COA1: variants seen among roughly 807,000 people sequenced by gnomAD.
COA1 encodes cytochrome c oxidase assembly factor 1.
A neutral mutation model predicts 16.0 loss-of-function variants in COA1; 13 were observed. The observed-to-expected ratio is 0.81, with a 90% CI of 0.53 to 1.29. COA1 has a LOEUF of 1.29. Ranked by LOEUF, COA1 falls within the 50% of genes most tolerant of loss-of-function variation. The pLI, the probability that COA1 is intolerant of heterozygous loss-of-function variation, is 0.00. For missense variants in COA1, 179 were observed against 177.0 expected (o/e 1.01, Z -0.06); for synonymous variants, 65 against 65.7 (o/e 0.99, Z 0.05).
At chr7:43,655,651 A>G (rs148026799) in intron 1 of COA1, among the ~76,000 whole-genome samples, 194 of 152,228 alleles carry the variant, frequency 1.3e-3, no homozygotes, top group African/African-American at 4.5e-3. Flanking sequence ...GACATTTTCC[A>G]TCTCAAAAAA....
In COA1 at chr7:43,724,755, C is replaced by T. The variant is rs1182580203; in HGVS notation, c.-39+4674G>A. ...ATGAAAATTCCAACACATGCCACAA[C>T]ATGAATTAACCTTGAAGACATGCTA... On this transcript the variant is annotated intron_variant, in intron 1 of 5. Coordinates refer to ENST00000223336, the MANE Select transcript of COA1 (RefSeq NM_018224.4). Among the ~76,000 whole-genome samples the T allele has an allele frequency of 3.3e-5, 5 of 152,180 alleles. No individual in the cohort carries two copies. The South Asian group carries it at 6.2e-4, about 19-fold the overall frequency.
At position 43,611,648 on chromosome 7, in the gene COA1, G is replaced by A. The variant is rs368451331; in HGVS notation, c.*134-2153C>T. Among the ~76,000 whole-genome samples, 4 of 152,130 alleles carry A rather than the reference G, an allele frequency of 2.6e-5. No individual in the cohort carries two copies. The East Asian group carries it at 5.8e-4, about 22-fold the overall frequency. ...CATTTACAAGGAAGATATGGCCTCC[G>A]CAGTACGGACTTTCACTGGGCTAAT... On this transcript the variant is annotated intron_variant and NMD_transcript_variant, in intron 6 of 6. Coordinates refer to the COA1 transcript ENST00000415076.
chr7:43,642,343 A>G (rs1046392749), intron 4 of COA1, among the ~76,000 whole-genome samples: 2 of 152,130 alleles, frequency 1.3e-5, no homozygotes, highest in Admixed American at 6.6e-5. Flanking sequence ...CCAGCTACTC[A>G]GGAGAGTGAG....
intron 6 of COA1, among the ~76,000 whole-genome samples, chr7:43,612,838 T>C (rs985722753): frequency 1.5e-4 from 23 of 152,108 alleles, no homozygotes; most frequent in Non-Finnish European, 2.8e-4. Flanking sequence ...CAGATGCAGA[T>C]TTAGGAGTCT....
chr7:43,718,193 A>C (rs551775303), intron 1 of COA1, among the ~76,000 whole-genome samples: 1 of 152,362 alleles, frequency 6.6e-6, no homozygotes, highest in South Asian at 2.1e-4. Flanking sequence ...TATGCATACA[A>C]ATGTATTATT....
intron 6 of COA1, among the ~76,000 whole-genome samples, chr7:43,611,588 G>C (rs764957256): frequency 6.6e-6 from 1 of 152,130 alleles, no homozygotes; most frequent in Non-Finnish European, 1.5e-5. Flanking sequence ...AAAGATCCTT[G>C]CTGCAAGAAA....
intron 1 of COA1, among the ~76,000 whole-genome samples, chr7:43,667,278 C>G (rs2092947932): frequency 6.6e-6 from 1 of 152,120 alleles, no homozygotes; most frequent in Admixed American, 6.5e-5. Flanking sequence ...TTCCTGATGC[C>G]TGGCTTTTTG....
rs774222032 is a variant in COA1 at position 43,645,232 on chromosome 7, C to T, written c.264+19G>A. 7.4e-6 allele frequency: 12 copies of T among 1,612,454 alleles called. No individual in the cohort carries two copies. Among genetic ancestry groups the T allele is most frequent in the Middle Eastern group, 1.7e-4 (1 of 5,930 alleles). ...CTTCAGCAGGCACCAGCCTGCGGTT[C>T]GCAGGGAAAGCACATTACCTTGGCA... On this transcript the variant is annotated intron_variant, in intron 4 of 5. Transcript: ENST00000223336.
chr7:43,643,064 A>G (rs1164843346), intron 4 of COA1, among the ~76,000 whole-genome samples: 2 of 152,200 alleles, frequency 1.3e-5, no homozygotes, highest in African/African-American at 4.8e-5. Context: ...GAGTCACAGC[A>G]TTTGGCCGCA....
chr7:43,609,056 G>A (rs989683821), exon 7 of COA1: 2 of 152,284 alleles, frequency 1.3e-5, no homozygotes, highest in African/African-American at 4.8e-5. Context: ...GCTGAAACCA[G>A]GGTAAGCAAA....
intron 4 of COA1, among the ~76,000 whole-genome samples, chr7:43,644,714 A>AT (rs1554500984): frequency 1.7e-4 from 5 of 29,644 alleles, no homozygotes; most frequent in African/African-American, 3.8e-4. Flanking sequence ...GATAGATTAG[A>AT]TAGATAGATA....
chr7:43,648,584 T>A lies in COA1; in HGVS notation c.15+16A>T. ...CAGGTTCTAGTGGGGAACTTGGCCCTGGAACATTCCATTACCTTTTGCCAC... is the reference window on the plus strand; with the variant it reads ...CAGGTTCTAGTGGGGAACTTGGCCCAGGAACATTCCATTACCTTTTGCCAC... On this transcript the variant is annotated intron_variant, in intron 2 of 5. Transcript: ENST00000223336. 6.2e-7 allele frequency: 1 copy of A among 1,614,008 alleles called. No individual in the cohort carries two copies. Among genetic ancestry groups the A allele is most frequent in the Non-Finnish European group, 8.5e-7 (1 of 1,179,834 alleles).
At chr7:43,706,988 T>C (rs1035185527) in intron 1 of COA1, among the ~76,000 whole-genome samples, 1 of 151,970 alleles carries the variant, frequency 6.6e-6, no homozygotes, top group Non-Finnish European at 1.5e-5. Flanking sequence ...CTGGCCAACA[T>C]GGAGATGCCT....
intron 6 of COA1, chr7:43,623,608 C>G: frequency 6.2e-7 from 1 of 1,611,258 alleles, no homozygotes; most frequent in Non-Finnish European, 8.5e-7. Context: ...ATAAGCATGG[C>G]AACAGATATG....
At chr7:43,637,853 A>G (rs2086161418), downstream of COA1, among the ~76,000 whole-genome samples, 1 of 152,242 alleles carries the variant, frequency 6.6e-6, no homozygotes, top group African/African-American at 2.4e-5. Context: ...CAGATGGCCA[A>G]CCTAAGCCCT....
intron 1 of COA1, among the ~76,000 whole-genome samples, chr7:43,670,117 G>C (rs2093163725): frequency 6.6e-6 from 1 of 152,070 alleles, no homozygotes; most frequent in South Asian, 2.1e-4. Flanking sequence ...GAATAACATG[G>C]ATATTTTAAA....
chr7:43,612,804 T>C (rs2082994490), intron 6 of COA1, among the ~76,000 whole-genome samples: 1 of 152,048 alleles, frequency 6.6e-6, no homozygotes, highest in African/African-American at 2.4e-5. Flanking sequence ...GCTGGGAAAG[T>C]TCTTGGGGTG....
chr7:43,675,274 C>T lies in COA1; in HGVS notation c.-38-26622G>A, dbSNP rs181249611. On this transcript the variant is annotated intron_variant, in intron 1 of 5. Coordinates refer to ENST00000223336, the MANE Select transcript of COA1 (RefSeq NM_018224.4). ...CCATAAAAAATGAAGACTTCATGTC[C>T]TTTGTAGGGACATGGATGAAACTGG... is the stretch of plus-strand genomic sequence containing the variant. Among the ~76,000 whole-genome samples, 8 of 152,334 alleles carry T rather than the reference C, an allele frequency of 5.3e-5. No homozygotes were observed. The East Asian group carries it at 9.6e-4, about 18-fold the overall frequency.
chr7:43,711,485 G>GA (rs2095246282), intron 1 of COA1: 1 of 152,092 alleles, frequency 6.6e-6, no homozygotes, highest in Admixed American at 6.6e-5. Flanking sequence ...GAGAGAAAGA[G>GA]AATCTCTGAT....
Sources: gnomAD v4.1 joint callset for allele counts (sites outside exome capture counted in the v4.1 genomes callset) on GRCh38, gnomAD v4.1.1 for gene constraint, MANE v1.5 for transcripts, NCBI Gene and HGNC (gene_info 2026-07-23, HGNC 2026-07-21) for gene names.